Variants in WWC2 observed in about 807,000 individuals in gnomAD.
The protein encoded by WWC2 is protein WWC2.
WWC2 carries 101 observed loss-of-function variants against 138.5 expected under a neutral mutation model. The observed-to-expected ratio is 0.73, with a 90% CI of 0.62 to 0.86. WWC2 has a LOEUF of 0.86. Ranked by LOEUF, WWC2 falls within the 40% of genes least tolerant of loss-of-function variation. WWC2 has a pLI of 0.00. For synonymous variants in WWC2, 558 were observed against 538.4 expected (o/e 1.04, Z -0.50); for missense variants, 1,420 against 1,419.4 (o/e 1.00, Z -0.01).
chr4:183,194,797 G>A (rs1354552882), intron 2 of WWC2, among the ~76,000 whole-genome samples: 1 of 152,188 alleles, frequency 6.6e-6, no homozygotes, highest in East Asian at 1.9e-4. Flanking sequence ...TATGGTTAGT[G>A]ATCTGTTTCA....
chr4:183,170,713 A>T (rs2111162446), intron 1 of WWC2, among the ~76,000 whole-genome samples: 1 of 152,274 alleles, frequency 6.6e-6, no homozygotes, highest in African/African-American at 2.4e-5. Context: ...ATATTTTTTT[A>T]AAGTGACAGG....
rs375743796 is a variant in WWC2 at position 183,208,965 on chromosome 4, A to T, written c.462A>T (p.Ser154=). The change falls in exon 4 of 23, where the codon TCA becomes TCT. Residue 154 remains serine, a synonymous_variant. Transcript: ENST00000403733. ...SSHTSLFSGS[S]SSTKYDPDIL... The stretch of plus-strand genomic sequence containing the variant: ...CTATAAAAGTATTCTCAGGATCTTC[A>T]TCCAGTACTAAATATGATCCCGATA... The T allele has an allele frequency of 3.2e-6, 5 of 1,561,530 alleles. No homozygotes were observed. The highest frequency in any genetic ancestry group is 4.3e-6 in the Non-Finnish European group (5 of 1,149,500).
At chr4:183,178,298 C>T (rs747504252) in intron 1 of WWC2, among the ~76,000 whole-genome samples, 19 of 151,646 alleles carry the variant, frequency 1.3e-4, no homozygotes, top group Non-Finnish European at 2.2e-4. Flanking sequence ...TTCAACTCTT[C>T]GGGATACCAA....
chr4:183,301,713 T>A (rs1738844827), intron 21 of WWC2, among the ~76,000 whole-genome samples: 1 of 152,224 alleles, frequency 6.6e-6, no homozygotes, highest in Non-Finnish European at 1.5e-5. Flanking sequence ...TTGAGAATAT[T>A]TTAATTTTTT....
chr4:183,254,022 G>C (rs1359375510), intron 9 of WWC2, 23 bp downstream of exon 9: 2 of 1,607,980 alleles, frequency 1.2e-6, no homozygotes, highest in East Asian at 2.2e-5. Context: ...TCTGGAAATA[G>C]GGCAGCTTAA....
At chr4:183,300,212 A>T (rs1277692473) in intron 21 of WWC2, among the ~76,000 whole-genome samples, 1 of 152,168 alleles carries the variant, frequency 6.6e-6, no homozygotes, top group Non-Finnish European at 1.5e-5. Context: ...AGTCCTCAGC[A>T]TTCCAAGTGG....
At chr4:183,248,947 A>G (rs1736885160) in intron 7 of WWC2, 87 bp downstream of exon 7, 1 of 1,288,622 alleles carries the variant, frequency 7.8e-7, no homozygotes, top group Non-Finnish European at 1.0e-6. Context: ...AACCAGAAGT[A>G]TATGTGACTT....
chr4:183,269,284 G>A, intron 15 of WWC2, 121 bp downstream of exon 15: 8 of 932,160 alleles, frequency 8.6e-6, no homozygotes, highest in East Asian at 2.6e-5. Context: ...AACATCTTGG[G>A]ATACATCTAG....
At chr4:183,154,002 C>CAAAAAAAAA (rs35002790) in intron 1 of WWC2, among the ~76,000 whole-genome samples, 4 of 71,638 alleles carry the variant, frequency 5.6e-5, no homozygotes, top group African/African-American at 1.2e-4. Context: ...CTTTAAAAAG[C>CAAAAAAAAA]AAAAAAAAAA....
chr4:183,139,063 A>T (rs1733210817), intron 1 of WWC2, among the ~76,000 whole-genome samples: 1 of 152,192 alleles, frequency 6.6e-6, no homozygotes, highest in African/African-American at 2.4e-5. Context: ...TGTATCAGTA[A>T]CATATTACTG....
chr4:183,187,306 C>A (rs1734836195), intron 1 of WWC2, among the ~76,000 whole-genome samples: 1 of 152,056 alleles, frequency 6.6e-6, no homozygotes, highest in Non-Finnish European at 1.5e-5. Flanking sequence ...GTAATCTCAG[C>A]ACTTTGGGAG....
At chr4:183,223,205 A>C (rs540462760) in intron 4 of WWC2, among the ~76,000 whole-genome samples, 62 of 152,344 alleles carry the variant, frequency 4.1e-4, no homozygotes, top group Non-Finnish European at 8.1e-4. Flanking sequence ...GGCTATGCCA[A>C]GTGGCCTAGG....
intron 1 of WWC2, among the ~76,000 whole-genome samples, chr4:183,116,491 G>A (rs932775592): frequency 5.3e-5 from 8 of 152,346 alleles, no homozygotes; most frequent in East Asian, 1.9e-4. Context: ...AGGGCACAAA[G>A]CTGTTAAGTG....
chr4:183,281,888 A>G (rs1461016848), intron 17 of WWC2, among the ~76,000 whole-genome samples: 2 of 152,210 alleles, frequency 1.3e-5, no homozygotes, highest in African/African-American at 4.8e-5. Context: ...ACATATTTCC[A>G]AACAGTACTC....
At chr4:183,191,837 C>T (rs1421663149) in intron 1 of WWC2, among the ~76,000 whole-genome samples, 2 of 151,972 alleles carry the variant, frequency 1.3e-5, no homozygotes, top group African/African-American at 4.8e-5. Flanking sequence ...AGGTGATGCT[C>T]CCATCTTGGC....
intron 9 of WWC2, 62 bp from the exon 10 acceptor site, chr4:183,259,577 T>C: frequency 8.1e-7 from 1 of 1,241,520 alleles, no homozygotes; most frequent in Non-Finnish European, 1.1e-6. Context: ...TGAGAATCTT[T>C]CTTTCCTTTT....
At chr4:183,310,430 G>A (rs1739171891) in intron 21 of WWC2, among the ~76,000 whole-genome samples, 1 of 152,122 alleles carries the variant, frequency 6.6e-6, no homozygotes, top group African/African-American at 2.4e-5. Flanking sequence ...ACAATATATT[G>A]TTAATTTTTA....
intron 19 of WWC2, 109 bp from the exon 20 acceptor site, chr4:183,285,858 A>G (rs1738230642): frequency 1.0e-6 from 1 of 972,090 alleles, no homozygotes; most frequent in Non-Finnish European, 1.6e-6. Context: ...AAAGAAATAA[A>G]CTCTTAACTA....
chr4:183,196,949 A>G (rs773929443), intron 2 of WWC2, among the ~76,000 whole-genome samples: 1 of 152,158 alleles, frequency 6.6e-6, no homozygotes, highest in African/African-American at 2.4e-5. Flanking sequence ...TATTGCATTT[A>G]TATTATTTTT....
Sources: gnomAD v4.1 joint callset for allele counts (sites outside exome capture counted in the v4.1 genomes callset) on GRCh38, gnomAD v4.1.1 for gene constraint, MANE v1.5 for transcripts, NCBI Gene and HGNC (gene_info 2026-07-23, HGNC 2026-07-21) for gene names.